The following EPHB1 variants were observed in gnomAD, a reference collection of about 807,000 sequenced individuals.
The protein encoded by EPHB1 is ephrin type-B receptor 1.
Under a neutral mutation model 94.4 loss-of-function variants are expected in EPHB1, and 30 were observed. That is an observed-to-expected ratio of 0.32 (90% CI 0.24 to 0.43). The LOEUF (loss-of-function observed/expected upper bound fraction) is 0.43, where lower values mean the gene tolerates loss of function less well. EPHB1 is among the 20% of genes least tolerant of loss of function. EPHB1 has a pLI of 1.00. For synonymous variants in EPHB1, 522 were observed against 489.1 expected (o/e 1.07, Z -0.89); for missense variants, 1,055 against 1,308.3 (o/e 0.81, Z 2.99).
intron 3 of EPHB1, among the ~76,000 whole-genome samples, chr3:134,995,932 T>C (rs1934975501): frequency 6.6e-6 from 1 of 152,200 alleles, no homozygotes; most frequent in African/African-American, 2.4e-5. Context: ...ACTAATATAT[T>C]GGTATAATGT....
chr3:135,149,020 T>G (rs1050848299), intron 5 of EPHB1, among the ~76,000 whole-genome samples: 1 of 152,330 alleles, frequency 6.6e-6, no homozygotes, highest in Admixed American at 6.5e-5. Flanking sequence ...TGGGTGCCTG[T>G]ACTCTGTTGG....
At chr3:135,191,568 T>C (rs1050762935) in intron 10 of EPHB1, among the ~76,000 whole-genome samples, 1 of 152,142 alleles carries the variant, frequency 6.6e-6, no homozygotes, top group African/African-American at 2.4e-5. Context: ...CATGAAAGAA[T>C]TGGAAGTAAC....
At chr3:135,075,303 G>A (rs1937870220) in intron 3 of EPHB1, among the ~76,000 whole-genome samples, 1 of 152,130 alleles carries the variant, frequency 6.6e-6, no homozygotes, top group African/African-American at 2.4e-5. Context: ...GAGTCTGCTG[G>A]CATCTCCCTT....
chr3:135,007,900 A>T (rs1299879688), intron 3 of EPHB1, among the ~76,000 whole-genome samples: 1 of 152,244 alleles, frequency 6.6e-6, no homozygotes, highest in Non-Finnish European at 1.5e-5. Context: ...AGGCGATGAC[A>T]TCCCATTTCT....
intron 6 of EPHB1, among the ~76,000 whole-genome samples, chr3:135,161,665 C>G (rs564245406): frequency 3.3e-5 from 5 of 152,112 alleles, no homozygotes; most frequent in Non-Finnish European, 7.4e-5. Flanking sequence ...AGGTCAGAGA[C>G]TTGAGGGGAT....
chr3:134,999,003 G>C (rs562311590), intron 3 of EPHB1, among the ~76,000 whole-genome samples: 5 of 152,264 alleles, frequency 3.3e-5, no homozygotes, highest in Non-Finnish European at 7.4e-5. Context: ...GAAGCACAAG[G>C]CTGCACAGGC....
chr3:135,073,907 TG>T (rs1327295633), intron 3 of EPHB1, among the ~76,000 whole-genome samples: 2 of 152,274 alleles, frequency 1.3e-5, no homozygotes, highest in African/African-American at 4.8e-5. Context: ...TTTCTGTAAA[TG>T]GGAAGTAAAA....
At chr3:135,095,194 G>A (rs910916547) in intron 3 of EPHB1, among the ~76,000 whole-genome samples, 1 of 152,174 alleles carries the variant, frequency 6.6e-6, no homozygotes. Context: ...AGAGGAAAAT[G>A]TCTAGCCCTA....
At chr3:134,875,748 A>G (rs1196399852) in intron 1 of EPHB1, among the ~76,000 whole-genome samples, 1 of 152,154 alleles carries the variant, frequency 6.6e-6, no homozygotes, top group East Asian at 1.9e-4. Flanking sequence ...TCCATTTCTC[A>G]AGTACTTATT....
chr3:134,962,479 G>A (rs920018523), intron 3 of EPHB1, among the ~76,000 whole-genome samples: 1 of 152,170 alleles, frequency 6.6e-6, no homozygotes, highest in East Asian at 1.9e-4. Flanking sequence ...AATGTCTGTA[G>A]ATGGGACAGG....
At chr3:134,923,825 T>C (rs11920780) in intron 1 of EPHB1, among the ~76,000 whole-genome samples, 50,515 of 151,968 alleles carry the variant, frequency 0.33, 10,689 homozygotes, top group East Asian at 0.6. Context: ...CTCCCTGACA[T>C]GGTAAACAAG....
chr3:135,168,861 G>A (rs962570360), intron 9 of EPHB1, among the ~76,000 whole-genome samples: 2 of 152,150 alleles, frequency 1.3e-5, no homozygotes, highest in African/African-American at 2.4e-5. Context: ...GGTTCAAAAG[G>A]AGGAATCTCA....
At chr3:135,109,968 A>T (rs943104137) in intron 4 of EPHB1, among the ~76,000 whole-genome samples, 3 of 152,132 alleles carry the variant, frequency 2.0e-5, no homozygotes, top group Admixed American at 6.5e-5. Flanking sequence ...CCAGGAACAC[A>T]CTCGGAGGTG....
intron 1 of EPHB1, among the ~76,000 whole-genome samples, chr3:134,798,813 G>A (rs1447690723): frequency 6.6e-6 from 1 of 152,194 alleles, no homozygotes; most frequent in African/African-American, 2.4e-5. Flanking sequence ...GATAGGATCT[G>A]GAAAGCACAT....
At position 135,030,947 on chromosome 3, in the gene EPHB1, C is replaced by T. The variant is rs548748699; in HGVS notation, c.806-75501C>T. On this transcript the variant is annotated intron_variant, in intron 3 of 15. Coordinates refer to ENST00000398015, the MANE Select transcript of EPHB1 (RefSeq NM_004441.5). ...GTGGTGCGCCATTTTTTAAGCCCGT[C>T]GGAAAAGCGCAGTATTCGGGTGGGT... 3.7e-4 allele frequency among the ~76,000 whole-genome samples: 56 copies of T among 152,300 alleles called. 1 individual carries two copies. In the Middle Eastern group the frequency reaches 0.01, roughly 28 times the overall value.
intron 3 of EPHB1, among the ~76,000 whole-genome samples, chr3:135,095,721 C>T (rs1177323905): frequency 6.6e-6 from 1 of 152,176 alleles, no homozygotes; most frequent in Non-Finnish European, 1.5e-5. Context: ...CTCAGGGCCC[C>T]TGAAGGCACT....
chr3:135,217,473 C>G (rs368018310), intron 12 of EPHB1, among the ~76,000 whole-genome samples: 1 of 149,028 alleles, frequency 6.7e-6, no homozygotes, highest in African/African-American at 2.5e-5. Context: ...CACACGCACA[C>G]GGGGAGAGAG....
At chr3:135,014,222 T>A (rs1345058794) in intron 3 of EPHB1, among the ~76,000 whole-genome samples, 1 of 152,074 alleles carries the variant, frequency 6.6e-6, no homozygotes, top group South Asian at 2.1e-4. Flanking sequence ...TCAGGGAGAA[T>A]TGAGACATCT....
At chr3:135,062,402 T>C (rs1937525846) in intron 3 of EPHB1, among the ~76,000 whole-genome samples, 1 of 152,228 alleles carries the variant, frequency 6.6e-6, no homozygotes, top group Non-Finnish European at 1.5e-5. Flanking sequence ...AGTAAAGTGG[T>C]GTTGCACTGT....
Sources: allele counts gnomAD v4.1 joint callset (sites outside exome capture counted in the v4.1 genomes callset), GRCh38; gene constraint gnomAD v4.1.1; transcripts MANE v1.5; gene names NCBI Gene and HGNC (gene_info 2026-07-23, HGNC 2026-07-21).